The following CBR4 variants were observed in gnomAD, a reference collection of about 807,000 sequenced individuals.
CBR4 encodes 3-oxoacyl-[acyl-carrier-protein] reductase.
A neutral mutation model predicts 21.0 loss-of-function variants in CBR4; 22 were observed. That is an observed-to-expected ratio of 1.05 (90% CI 0.75 to 1.50). CBR4 has a LOEUF of 1.50. Ranked by LOEUF, CBR4 falls within the 40% of genes most tolerant of loss-of-function variation. CBR4 has a pLI of 0.00. For synonymous variants in CBR4, 100 were observed against 104.4 expected (o/e 0.96, Z 0.26); for missense variants, 302 against 286.3 (o/e 1.05, Z -0.40).
At chr4:168,946,786 T>C (rs577666183) in intron 2 of CBR4, among the ~76,000 whole-genome samples, 16 of 152,136 alleles carry the variant, frequency 1.1e-4, no homozygotes, top group African/African-American at 2.4e-4. Flanking sequence ...TTTTTAAGCA[T>C]GTAAAATGGT....
At chr4:168,916,268 C>T (rs113605627) in intron 2 of CBR4, among the ~76,000 whole-genome samples, 147 of 152,124 alleles carry the variant, frequency 9.7e-4, no homozygotes, top group African/African-American at 3.3e-3. Flanking sequence ...AAAAGTTAGC[C>T]AGGCGTGGTG....
At chr4:168,950,909 C>CCTGCTCA (rs1389335326) in intron 2 of CBR4, among the ~76,000 whole-genome samples, 2 of 152,108 alleles carry the variant, frequency 1.3e-5, no homozygotes, top group Non-Finnish European at 2.9e-5. Context: ...AATAGCTACC[C>CCTGCTCA]CTGCTCACTT....
rs138579725 is a variant in CBR4, at chr4:169,008,637, T to C, written c.143-881A>G. ...CAAAGGAATGCAGGGCCCAAAAGCA[T>C]CCTGTGTCTCTCTTACTCTTGGTTT... On this transcript the variant is annotated intron_variant, in intron 1 of 4. Transcript: ENST00000306193. 4.8e-3 allele frequency among the ~76,000 whole-genome samples: 737 copies of C among 152,284 alleles called. 7 individuals are homozygous for C. The highest frequency in any genetic ancestry group is 5.5e-3 in the Admixed American group (84 of 15,302).
chr4:168,899,500 A>G (rs931801845), intron 2 of CBR4, among the ~76,000 whole-genome samples: 1 of 152,234 alleles, frequency 6.6e-6, no homozygotes, highest in Admixed American at 6.5e-5. Flanking sequence ...TAAAATTCTT[A>G]GAAGCAAGCA....
intron 2 of CBR4, among the ~76,000 whole-genome samples, chr4:168,969,873 G>T (rs1311961715): frequency 6.6e-6 from 1 of 152,142 alleles, no homozygotes; most frequent in Admixed American, 6.6e-5. Context: ...TTTAAAAAAA[G>T]ATTCATAGGT....
chr4:168,985,192 G>A (rs985112915), downstream of CBR4, among the ~76,000 whole-genome samples: 17 of 151,778 alleles, frequency 1.1e-4, no homozygotes. Context: ...GAACTCAAAT[G>A]AACAAGCAAA....
At chr4:168,920,251 G>C (rs1761177901) in intron 2 of CBR4, among the ~76,000 whole-genome samples, 3 of 152,186 alleles carry the variant, frequency 2.0e-5, no homozygotes, top group Admixed American at 2.0e-4. Flanking sequence ...AAGCCAAGCT[G>C]CCTAACTACT....
Position 168,989,056 on chromosome 4 carries a change from T to A in CBR4, c.*1094A>T, listed in dbSNP as rs185738324. 1 of 985,034 alleles carries A rather than the reference T, an allele frequency of 1.0e-6. No individual in the cohort carries two copies. The highest frequency in any genetic ancestry group is 1.7e-5 in the African/African-American group (1 of 57,348). The allele number at this position is 985,034 out of a possible 1,614,324, so 61.0% of individuals were successfully genotyped here. On this transcript the variant is annotated 3_prime_UTR_variant, in exon 5 of 5. Coordinates refer to ENST00000306193, the MANE Select transcript of CBR4 (RefSeq NM_032783.5). ...TTTATCTCTACTCCCAGGCAAATAT[T>A]CTCACTTAAGACCAGTGCCTTCACT...
At chr4:168,921,439 A>G (rs1051867556) in intron 2 of CBR4, 11 of 711,586 alleles carry the variant, frequency 1.5e-5, no homozygotes, top group Admixed American at 4.5e-5. Context: ...CACCTCTTGT[A>G]CTACTGAAGG....
At chr4:168,991,824 G>C (rs1764940213) in intron 4 of CBR4, among the ~76,000 whole-genome samples, 1 of 151,972 alleles carries the variant, frequency 6.6e-6, no homozygotes, top group Non-Finnish European at 1.5e-5. Context: ...AATTTTTAAG[G>C]TCATGAAAAA....
rs766514524 is a variant in CBR4 at position 168,944,903 on chromosome 4, T to C, written n.170-50138A>G. 3.8e-4 allele frequency among the ~76,000 whole-genome samples: 58 copies of C among 152,244 alleles called. 3 individuals are homozygous for C. The highest frequency in any genetic ancestry group is 1.5e-4 in the Non-Finnish European group (10 of 68,042). On this transcript the variant is annotated intron_variant and non_coding_transcript_variant, in intron 2 of 3. Transcript: ENST00000509108. ...AAATATCAATCATAAACTTGTGCTG[T>C]TCAGAGCATGTGACATTTCATGACT...
At chr4:168,900,726 A>G (rs1450616083) in intron 2 of CBR4, among the ~76,000 whole-genome samples, 2 of 152,214 alleles carry the variant, frequency 1.3e-5, no homozygotes, top group Non-Finnish European at 2.9e-5. Flanking sequence ...GATTTTTAAA[A>G]TAAACTCCAT....
chr4:168,903,831 G>A (rs1420566865), intron 2 of CBR4: 3 of 1,612,748 alleles, frequency 1.9e-6, no homozygotes, highest in Non-Finnish European at 2.5e-6. Context: ...ATCTCGATGG[G>A]ACCTGCTCCC....
chr4:168,924,277 T>C (rs1762158041), intron 2 of CBR4: 1 of 1,613,888 alleles, frequency 6.2e-7, no homozygotes, highest in Non-Finnish European at 8.5e-7. Flanking sequence ...ACAAACCCCC[T>C]GTGTTTATTG....
chr4:168,907,642 T>G (rs1355870352), intron 2 of CBR4, among the ~76,000 whole-genome samples: 1 of 152,124 alleles, frequency 6.6e-6, no homozygotes, highest in African/African-American at 2.4e-5. Flanking sequence ...CTGCCCTTAT[T>G]CCAGGCCCCA....
intron 2 of CBR4, among the ~76,000 whole-genome samples, chr4:168,961,350 G>A (rs1578941852): frequency 6.6e-6 from 1 of 152,082 alleles, no homozygotes; most frequent in African/African-American, 2.4e-5. Context: ...TGTATGTAAA[G>A]AGTTGTCTCA....
At chr4:168,902,635 C>A (rs555552138) in intron 2 of CBR4, among the ~76,000 whole-genome samples, 1 of 152,018 alleles carries the variant, frequency 6.6e-6, no homozygotes, top group African/African-American at 2.4e-5. Context: ...GGCAACGGAG[C>A]GAGACCCTGT....
chr4:168,906,118 G>T (rs565878012), intron 2 of CBR4, among the ~76,000 whole-genome samples: 2 of 152,016 alleles, frequency 1.3e-5, no homozygotes, highest in Non-Finnish European at 2.9e-5. Flanking sequence ...ATTTTTCTTC[G>T]TGTTGGGTCA....
At position 169,006,741 on chromosome 4, in the gene CBR4, A is replaced by G; in HGVS notation, c.400+14T>C. 1 of 1,601,802 alleles carries G rather than the reference A, an allele frequency of 6.2e-7. No homozygotes were observed. The highest frequency in any genetic ancestry group is 8.5e-7 in the Non-Finnish European group (1 of 1,173,008). The stretch of plus-strand genomic sequence containing the variant: ...TTATGGGATAATCATAAATTCACAA[A>G]GGTGAAGACTCACCTACATTAACAA... On this transcript the variant is annotated intron_variant, in intron 3 of 4. Coordinates refer to ENST00000306193, the MANE Select transcript of CBR4 (RefSeq NM_032783.5).
Sources: allele counts gnomAD v4.1 joint callset (sites outside exome capture counted in the v4.1 genomes callset), GRCh38; gene constraint gnomAD v4.1.1; transcripts MANE v1.5; gene names NCBI Gene and HGNC (gene_info 2026-07-23, HGNC 2026-07-21).